RHBG: variants seen among roughly 807,000 people sequenced by gnomAD.
RHBG encodes the protein Rh family B glycoprotein.
A neutral mutation model predicts 40.1 loss-of-function variants in RHBG; 39 were observed. The ratio of observed to expected loss-of-function variants is 0.97; its 90% CI spans 0.75 to 1.27. The LOEUF is 1.27. RHBG is among the 50% of genes most tolerant of loss of function. RHBG has a pLI of 0.00. For synonymous variants in RHBG, 237 were observed against 252.5 expected, an observed-to-expected ratio of 0.94 and a Z score of 0.58; for missense variants, 549 against 588.1, an observed-to-expected ratio of 0.93 and a Z score of 0.69.
chr1:156,382,520 A>G (rs1667729176), intron 7 of RHBG: 8 of 667,662 alleles, frequency 1.2e-5, no homozygotes, highest in South Asian at 7.2e-5. Context: ...GAGTCTTAAA[A>G]GGTGCCTAGG....
At chr1:156,373,298 C>T (rs1666970924) in intron 1 of RHBG, among the ~76,000 whole-genome samples, 1 of 152,056 alleles carries the variant, frequency 6.6e-6, no homozygotes, top group South Asian at 2.1e-4. Flanking sequence ...TGGTAATAAG[C>T]TCCTGTGGTC....
At chr1:156,374,916 GTATTCCA>G (rs1405425799) in intron 1 of RHBG, among the ~76,000 whole-genome samples, 1 of 151,922 alleles carries the variant, frequency 6.6e-6, no homozygotes, top group Non-Finnish European at 1.5e-5. Context: ...TGGCTGAATA[GTATTCCA>G]CTGTGTATAT....
chr1:156,382,099 A>T lies in RHBG; in HGVS notation c.1010A>T (p.Asp337Val). 6.2e-7 allele frequency: 1 copy of T among 1,612,694 alleles called. No individual in the cohort carries two copies. Among genetic ancestry groups the T allele is most frequent in the Non-Finnish European group, 8.5e-7 (1 of 1,179,052 alleles). The part of the protein sequence containing the change: ...PILESKFKVQ[D>V]TCGVHNLHGM... ...CTTGAATCAAAATTCAAAGTCCAAGACACATGTGGAGTCCACAACCTCCAT... is the reference window on the plus strand; with the variant it reads ...CTTGAATCAAAATTCAAAGTCCAAGTCACATGTGGAGTCCACAACCTCCAT... The change falls in exon 7 of 10, where the codon GAC becomes GTC. Residue 337 changes from aspartate to valine, a missense_variant. By Grantham distance (152) the Asp-to-Val change is radical. Transcript: ENST00000537040.
At position 156,384,553 on chromosome 1, in the gene RHBG, G is replaced by C. The variant is rs1557808998; in HGVS notation, c.1261G>C (p.Asp421His). 6.5e-7 allele frequency: 1 copy of C among 1,540,460 alleles called. No individual in the cohort carries two copies. Among genetic ancestry groups the C allele is most frequent in the Non-Finnish European group, 8.8e-7 (1 of 1,139,058 alleles). The change falls in exon 9 of 10, where the codon GAC (aspartate) becomes CAC (histidine). Residue 421 changes from aspartate to histidine, a missense_variant. By Grantham distance (81) the Asp-to-His change is moderately conservative (BLOSUM62 -1). Coordinates refer to ENST00000537040, the MANE Select transcript of RHBG (RefSeq NM_020407.5). ...GCTCCTGCTGAAGCTACCCTTTCTG[G>C]ACTCCCCCCCAGACTCCCAGCACTA... ...GGLLLKLPFL[D>H]SPPDSQHYED...
chr1:156,378,282 C>T lies in RHBG; in HGVS notation c.556C>T (p.His186Tyr). 1.2e-6 allele frequency: 2 copies of T among 1,614,010 alleles called. No homozygotes were observed. The highest frequency in any genetic ancestry group is 1.1e-5 in the South Asian group (1 of 91,072). ...VRDAGGSMTI[H>Y]TFGAYFGLVL... Reference sequence around the variant, plus strand: ...AGATGCCGGAGGCTCCATGACTATCCACACCTTTGGTGCCTACTTCGGGCT... The same window carrying T: ...AGATGCCGGAGGCTCCATGACTATCTACACCTTTGGTGCCTACTTCGGGCT... Residue 186 changes from histidine (H) to tyrosine (Y), a missense_variant, in exon 4 of 10, where the codon CAC becomes TAC. His to Tyr is a moderately conservative substitution (Grantham distance 83). Transcript: ENST00000537040.
At chr1:156,375,365 G>T (rs934632170) in intron 1 of RHBG, among the ~76,000 whole-genome samples, 2 of 151,214 alleles carry the variant, frequency 1.3e-5, no homozygotes, top group Non-Finnish European at 2.9e-5. Flanking sequence ...GAGCCACTGC[G>T]CCCAGCCTCA....
intron 1 of RHBG, among the ~76,000 whole-genome samples, chr1:156,370,018 A>G (rs1396187511): frequency 6.6e-6 from 1 of 152,146 alleles, no homozygotes; most frequent in Non-Finnish European, 1.5e-5. Flanking sequence ...TTCAGAGACA[A>G]AGAGAAAATG....
At position 156,369,215 on chromosome 1, in the gene RHBG, G is replaced by A. The variant is rs1557791488; in HGVS notation, c.-35G>A. 2 of 1,600,458 alleles carry A rather than the reference G, an allele frequency of 1.2e-6. No homozygotes were observed. Among genetic ancestry groups the A allele is most frequent in the Admixed American group, 1.7e-5 (1 of 58,324 alleles). Reference sequence around the variant, plus strand: ...CTGCCGCCGGGAATTGTCTGCCAAAGCCTGCGAGCGCCAGCCGAGATCGCA... The same window carrying A: ...CTGCCGCCGGGAATTGTCTGCCAAAACCTGCGAGCGCCAGCCGAGATCGCA... On this transcript the variant is annotated 5_prime_UTR_variant, in exon 1 of 10. Coordinates refer to ENST00000537040, the MANE Select transcript of RHBG (RefSeq NM_020407.5).
At chr1:156,371,218 G>A (rs1014711531) in intron 1 of RHBG, 4 of 395,626 alleles carry the variant, frequency 1.0e-5, no homozygotes, top group Admixed American at 3.2e-5. Flanking sequence ...GGAGTGCAAC[G>A]GCGCAATCTC....
chr1:156,383,197 G>A (rs962946235), intron 8 of RHBG, among the ~76,000 whole-genome samples: 2 of 152,230 alleles, frequency 1.3e-5, no homozygotes, highest in South Asian at 4.1e-4. Flanking sequence ...TGCGCCATGT[G>A]GGGCAGGGAC....
At chr1:156,378,996 CTTT>C (rs1173676129) in intron 4 of RHBG, among the ~76,000 whole-genome samples, 4 of 141,550 alleles carry the variant, frequency 2.8e-5, no homozygotes, top group African/African-American at 5.2e-5. Flanking sequence ...GCTTCTTCTT[CTTT>C]TTTTTTTTTT....
chr1:156,375,542 C>T lies in RHBG; in HGVS notation c.188-1759C>T, dbSNP rs144875828. 6.6e-5 allele frequency among the ~76,000 whole-genome samples: 10 copies of T among 151,628 alleles called. No individual in the cohort carries two copies. The East Asian group carries it at 1.4e-3, about 21-fold the overall frequency. On this transcript the variant is annotated intron_variant, in intron 1 of 9. Transcript: ENST00000537040. ...TCAGTAATTGAGCCAGGTGTGGTGG[C>T]TCATGCCTGCAATCCCAGCTACTCA...
intron 4 of RHBG, among the ~76,000 whole-genome samples, chr1:156,380,112 C>CTTTTTTTTTTT (rs67037881): frequency 2.3e-5 from 3 of 130,132 alleles, no homozygotes; most frequent in Non-Finnish European, 3.2e-5. Context: ...CTTTCTTTTT[C>CTTTTTTTTTTT]TTTTTTTTTT....
intron 8 of RHBG, among the ~76,000 whole-genome samples, chr1:156,384,153 C>T (rs567954813): frequency 4.9e-4 from 75 of 152,296 alleles, no homozygotes; most frequent in African/African-American, 1.7e-3. Flanking sequence ...ATTTCCTGTG[C>T]CCCTCCTGTG....
At chr1:156,383,487 GCTGGTCTCAGACTC>G (rs1667814427) in intron 8 of RHBG, among the ~76,000 whole-genome samples, 1 of 152,210 alleles carries the variant, frequency 6.6e-6, no homozygotes, top group Non-Finnish European at 1.5e-5. Context: ...TGTTGGCCAG[GCTGGTCTCAGACTC>G]CTGACCTTAG....
chr1:156,380,233 C>A (rs1476237748), intron 4 of RHBG, among the ~76,000 whole-genome samples: 3 of 151,210 alleles, frequency 2.0e-5, no homozygotes, highest in Non-Finnish European at 4.4e-5. Flanking sequence ...GCCTCAGCCT[C>A]CTGAGGAGCT....
intron 1 of RHBG, among the ~76,000 whole-genome samples, chr1:156,370,505 GGGA>G (rs1370464821): frequency 1.3e-5 from 2 of 149,728 alleles, no homozygotes; most frequent in African/African-American, 4.9e-5. Flanking sequence ...GCTGCTACTT[GGGA>G]GGCTGAGGCA....
In RHBG at chr1:156,382,060, C is replaced by T. The variant is rs1667683516; in HGVS notation, c.979-8C>T. On this transcript the variant is annotated splice_region_variant and splice_polypyrimidine_tract_variant and intron_variant, in intron 6 of 9. Transcript: ENST00000537040. The stretch of plus-strand genomic sequence containing the variant: ...CACAGGAGACTCATGATCTGTCTTG[C>T]CCTCCAGCCCATCCTTGAATCAAAA... The T allele has an allele frequency of 3.7e-6, 6 of 1,610,658 alleles. No individual in the cohort carries two copies. Among genetic ancestry groups the T allele is most frequent in the Non-Finnish European group, 4.2e-6 (5 of 1,177,526 alleles).
intron 9 of RHBG, 62 bp downstream of exon 9, chr1:156,384,662 C>A: frequency 1.3e-6 from 2 of 1,541,050 alleles, no homozygotes; most frequent in Non-Finnish European, 1.8e-6. Context: ...CCTCCTGTGG[C>A]CCAAGTTGCC....
Sources: gnomAD v4.1 joint callset for allele counts (sites outside exome capture counted in the v4.1 genomes callset) on GRCh38, gnomAD v4.1.1 for gene constraint, MANE v1.5 for transcripts, NCBI Gene and HGNC (gene_info 2026-07-23, HGNC 2026-07-21) for gene names.